The following ZBTB20 variants were observed in gnomAD, a reference collection of about 807,000 sequenced individuals.
ZBTB20 encodes zinc finger and BTB domain-containing protein 20.
A neutral mutation model predicts 56.9 loss-of-function variants in ZBTB20; 9 were observed. That is an observed-to-expected ratio of 0.16 (90% CI 0.10 to 0.28). The LOEUF (loss-of-function observed/expected upper bound fraction) is 0.28. ZBTB20 is among the 10% of genes least tolerant of loss of function. The probability of loss-of-function intolerance (pLI) is 1.00; values close to 1 mark genes in which losing one functional copy is unlikely to be tolerated. For synonymous variants in ZBTB20, 417 were observed against 420.7 expected (o/e 0.99, Z 0.11); for missense variants, 655 against 1,003.0 (o/e 0.65, Z 4.69).
At chr3:114,422,923 G>A (rs559299561) in intron 7 of ZBTB20, among the ~76,000 whole-genome samples, 1 of 152,194 alleles carries the variant, frequency 6.6e-6, no homozygotes, top group East Asian at 1.9e-4. Context: ...CCAATGATTG[G>A]CAAAGTAGTC....
At chr3:114,958,851 A>AG (rs1022963610) in intron 3 of ZBTB20, among the ~76,000 whole-genome samples, 1 of 151,018 alleles carries the variant, frequency 6.6e-6, no homozygotes, top group Non-Finnish European at 1.5e-5. Flanking sequence ...AGTCTGTCTC[A>AG]GAAAAAAAAA....
chr3:114,789,468 CA>C (rs2070782847), intron 5 of ZBTB20, among the ~76,000 whole-genome samples: 1 of 152,074 alleles, frequency 6.6e-6, no homozygotes, highest in Non-Finnish European at 1.5e-5. Flanking sequence ...GGGTCCAATG[CA>C]TTAACATTTT....
chr3:114,551,900 T>C (rs1436609518), intron 6 of ZBTB20, among the ~76,000 whole-genome samples: 1 of 152,178 alleles, frequency 6.6e-6, no homozygotes, highest in African/African-American at 2.4e-5. Context: ...TTTATTTCTA[T>C]AAATAAATGG....
intron 2 of ZBTB20, among the ~76,000 whole-genome samples, chr3:115,064,759 C>G (rs2082145695): frequency 1.3e-5 from 2 of 152,088 alleles, no homozygotes; most frequent in Admixed American, 1.3e-4. Context: ...GGCCTTCTCT[C>G]TGAATTTTAA....
intron 6 of ZBTB20, among the ~76,000 whole-genome samples, chr3:114,613,294 G>A (rs909369691): frequency 5.3e-5 from 8 of 152,180 alleles, no homozygotes; most frequent in South Asian, 2.1e-4. Context: ...TGGCCTAGGT[G>A]TACAATGAGG....
intron 2 of ZBTB20, among the ~76,000 whole-genome samples, chr3:115,010,654 G>A (rs1409010551): frequency 6.6e-6 from 1 of 151,936 alleles, no homozygotes; most frequent in African/African-American, 2.4e-5. Context: ...TCAAATATCT[G>A]GAACATCTTT....
intron 4 of ZBTB20, among the ~76,000 whole-genome samples, chr3:114,892,902 C>A (rs539351935): frequency 6.6e-6 from 1 of 152,094 alleles, no homozygotes; most frequent in South Asian, 2.1e-4. Flanking sequence ...TGGGGGAATG[C>A]GATGTTTTAT....
At chr3:114,463,148 T>C (rs919551761) in intron 7 of ZBTB20, among the ~76,000 whole-genome samples, 4 of 152,258 alleles carry the variant, frequency 2.6e-5, no homozygotes, top group African/African-American at 9.6e-5. Context: ...GAATAATATG[T>C]GCCTTACCAA....
rs56175916 is a variant in ZBTB20 at position 114,764,251 on chromosome 3, CTTT to C, written c.-343+36847_-343+36849del. On this transcript the variant is annotated intron_variant, in intron 5 of 11. Transcript: ENST00000675478. Reference sequence around the variant, plus strand: ...CCCCCTTCTACCTCTCTCTCTCTCTCTTTTTTTTTTTTTTTGTCCTGTACTGCC... The same window carrying C: ...CCCCCTTCTACCTCTCTCTCTCTCTCTTTTTTTTTTTTGTCCTGTACTGCC... Among the ~76,000 whole-genome samples the C allele has an allele frequency of 2.9e-3, 344 of 120,550 alleles. 1 individual carries two copies. The highest frequency in any genetic ancestry group is 4.6e-3 in the South Asian group (17 of 3,696). The allele number at this position is 120,550 out of a possible 152,430, so 79.1% of individuals were successfully genotyped here. A position where few individuals can be genotyped will look rare whatever the true frequency, so the allele number is the denominator to read the frequency against.
intron 5 of ZBTB20, among the ~76,000 whole-genome samples, chr3:114,753,472 T>C (rs923463740): frequency 1.3e-5 from 2 of 150,360 alleles, no homozygotes; most frequent in Non-Finnish European, 3.0e-5. Context: ...TTTCGCTTTG[T>C]TCCCCAGGCT....
intron 5 of ZBTB20, among the ~76,000 whole-genome samples, chr3:114,756,086 A>G (rs1025965148): frequency 1.3e-5 from 2 of 152,018 alleles, no homozygotes; most frequent in Non-Finnish European, 2.9e-5. Flanking sequence ...TGCTGCAATC[A>G]TGTATTTATG....
In ZBTB20 at chr3:114,334,503, T is replaced by G. The variant is rs1012673028; in HGVS notation, c.*4502A>C. On this transcript the variant is annotated 3_prime_UTR_variant, in exon 12 of 12. Coordinates refer to ENST00000675478, the MANE Select transcript of ZBTB20 (RefSeq NM_001348800.3). ...TACACATAGCTCAAGGCTTTAGGAC[T>G]GAATGTGAAACAAACATACCTGGAG... 18 of 152,234 alleles carry G rather than the reference T, an allele frequency of 1.2e-4. No homozygotes were observed. The highest frequency in any genetic ancestry group is 3.9e-4 in the Admixed American group (6 of 15,288). The allele number at this position is 152,234 out of a possible 1,614,324, so 9.4% of individuals were successfully genotyped here.
intron 1 of ZBTB20, among the ~76,000 whole-genome samples, chr3:115,133,065 T>C (rs1049748006): frequency 6.6e-6 from 1 of 152,164 alleles, no homozygotes; most frequent in Non-Finnish European, 1.5e-5. Flanking sequence ...TATTAAATTA[T>C]GGAATATTTT....
At chr3:114,794,629 C>A (rs2071211553) in intron 5 of ZBTB20, among the ~76,000 whole-genome samples, 1 of 152,086 alleles carries the variant, frequency 6.6e-6, no homozygotes, top group African/African-American at 2.4e-5. Flanking sequence ...AGAGCTTAAG[C>A]TACTTCTCTA....
At chr3:114,590,638 T>G (rs899908597) in intron 6 of ZBTB20, among the ~76,000 whole-genome samples, 1 of 152,138 alleles carries the variant, frequency 6.6e-6, no homozygotes, top group Admixed American at 6.5e-5. Flanking sequence ...TTAAGAGTGA[T>G]CCTTTAATCT....
chr3:114,779,157 T>C (rs1238057432), intron 5 of ZBTB20, among the ~76,000 whole-genome samples: 1 of 152,194 alleles, frequency 6.6e-6, no homozygotes, highest in African/African-American at 2.4e-5. Flanking sequence ...AACTTCATAC[T>C]CTCCTTGTCT....
intron 4 of ZBTB20, among the ~76,000 whole-genome samples, chr3:114,855,877 A>AAAC (rs373429122): frequency 2.6e-5 from 4 of 152,180 alleles, no homozygotes; most frequent in African/African-American, 7.2e-5. Context: ...TAGTCAGTCA[A>AAAC]AACAACAACA....
chr3:114,341,775 T>C (rs1192971560), intron 11 of ZBTB20, among the ~76,000 whole-genome samples: 1 of 152,226 alleles, frequency 6.6e-6, no homozygotes, highest in Non-Finnish European at 1.5e-5. Context: ...ATTTTCTGTA[T>C]GTGAAGAGTT....
intron 4 of ZBTB20, among the ~76,000 whole-genome samples, chr3:114,834,257 A>C (rs150402264): frequency 2.0e-5 from 3 of 152,324 alleles, no homozygotes; most frequent in African/African-American, 7.2e-5. Flanking sequence ...ACTCTTCAAA[A>C]TCTAAAATGA....
Sources: gnomAD v4.1 joint callset for allele counts (sites outside exome capture counted in the v4.1 genomes callset) on GRCh38, gnomAD v4.1.1 for gene constraint, MANE v1.5 for transcripts, NCBI Gene and HGNC (gene_info 2026-07-23, HGNC 2026-07-21) for gene names.